The following CFAP44 variants were observed in gnomAD, a reference collection of about 807,000 sequenced individuals.
The protein encoded by CFAP44 is cilia and flagella associated protein 44.
A neutral mutation model predicts 216.2 loss-of-function variants in CFAP44; 134 were observed. The observed-to-expected ratio is 0.62, with a 90% CI of 0.54 to 0.72. The LOEUF (loss-of-function observed/expected upper bound fraction) is 0.72, where lower values mean the gene tolerates loss of function less well. Among genes scored for constraint, CFAP44 ranks in the 30% least tolerant of loss-of-function variants. The probability of loss-of-function intolerance (pLI) is 0.00; values close to 1 mark genes in which losing one functional copy is unlikely to be tolerated. For synonymous variants in CFAP44, 700 were observed against 727.6 expected (o/e 0.96, Z 0.61); for missense variants, 2,035 against 2,182.1 (o/e 0.93, Z 1.34).
intron 17 of CFAP44, among the ~76,000 whole-genome samples, chr3:113,378,892 T>C (rs1933426442): frequency 2.6e-5 from 4 of 152,178 alleles, no homozygotes; most frequent in Admixed American, 2.6e-4. Context: ...AAGAAAAGTC[T>C]ACTGGATAGT....
chr3:113,424,661 C>A (rs1934911234), intron 4 of CFAP44, among the ~76,000 whole-genome samples: 1 of 152,102 alleles, frequency 6.6e-6, no homozygotes, highest in African/African-American at 2.4e-5. Flanking sequence ...TTATTCAAGG[C>A]CCAAAAAGCT....
chr3:113,350,176 A>AAG (rs144560404), intron 22 of CFAP44, among the ~76,000 whole-genome samples: 27,635 of 150,072 alleles, frequency 0.18, 3,036 homozygotes, highest in East Asian at 0.41. Context: ...GCAGAGAGGA[A>AAG]AGAGAGAGAG....
rs1218110416 is a variant in CFAP44 at position 113,403,901 on chromosome 3, A to G, written c.1121T>C (p.Met374Thr). ...SCHNGPINQI[M>T]LYEGEVITVG... ...AGTGATAACTTCACCCTCATACAGC[A>G]TTATCTGGTTAATGGGACCATTGTG... The change falls in exon 9 of 35, where the codon ATG becomes ACG. Residue 374 changes from methionine (M) to threonine (T), a missense_variant. Physicochemically the swap from Met to Thr is moderately conservative, Grantham distance 81. This residue lies in a region of CFAP44 where 1,883 missense variants were observed against 2,023.7 expected (regional missense o/e 0.93). Coordinates refer to ENST00000393845, the MANE Select transcript of CFAP44 (RefSeq NM_001164496.2). 6 of 1,613,958 alleles carry G rather than the reference A, an allele frequency of 3.7e-6. No individual in the cohort carries two copies. Among genetic ancestry groups the G allele is most frequent in the Non-Finnish European group, 5.1e-6 (6 of 1,179,986 alleles).
chr3:113,293,969 A>G, intron 34 of CFAP44: 1 of 456,568 alleles, frequency 2.2e-6, no homozygotes, highest in South Asian at 1.5e-5. Context: ...ACAAGTTCCC[A>G]GGTGATGCTG....
intron 7 of CFAP44, among the ~76,000 whole-genome samples, chr3:113,407,573 G>A (rs1268856031): frequency 1.3e-5 from 2 of 152,130 alleles, no homozygotes; most frequent in Non-Finnish European, 2.9e-5. Flanking sequence ...AGATCACCCT[G>A]TGCCTTCATT....
At chr3:113,300,202 T>C (rs1559904086) in intron 32 of CFAP44, among the ~76,000 whole-genome samples, 1 of 151,880 alleles carries the variant, frequency 6.6e-6, no homozygotes, top group Non-Finnish European at 1.5e-5. Flanking sequence ...TGACAGTTAC[T>C]AGAGTCTGGG....
intron 22 of CFAP44, among the ~76,000 whole-genome samples, chr3:113,357,241 C>T (rs1018690304): frequency 6.6e-6 from 1 of 152,078 alleles, no homozygotes; most frequent in African/African-American, 2.4e-5. Flanking sequence ...TGTGTCCCCC[C>T]AAAAAGCTAT....
intron 4 of CFAP44, among the ~76,000 whole-genome samples, chr3:113,420,701 T>G (rs564620162): frequency 1.3e-5 from 2 of 152,234 alleles, no homozygotes; most frequent in African/African-American, 4.8e-5. Context: ...TTTTCCTTGA[T>G]GTTGAAAGAC....
chr3:113,439,852 C>A (rs1030297465), intron 1 of CFAP44, among the ~76,000 whole-genome samples: 2 of 152,156 alleles, frequency 1.3e-5, no homozygotes, highest in African/African-American at 2.4e-5. Context: ...AGCAGTGTGC[C>A]AGAGGTGGTT....
At chr3:113,379,075 T>C (rs946006776) in intron 17 of CFAP44, among the ~76,000 whole-genome samples, 1 of 152,134 alleles carries the variant, frequency 6.6e-6, no homozygotes, top group Non-Finnish European at 1.5e-5. Flanking sequence ...ATCTGTACAA[T>C]TATCTGCACA....
intron 22 of CFAP44, among the ~76,000 whole-genome samples, chr3:113,349,975 G>A (rs904244438): frequency 2.0e-5 from 3 of 152,170 alleles, no homozygotes; most frequent in Non-Finnish European, 4.4e-5. Flanking sequence ...TGCCCATTCT[G>A]CAATATGGAA....
At chr3:113,308,576 ATTTTTTTTTCT>A (rs1003150883) in intron 28 of CFAP44, among the ~76,000 whole-genome samples, 14 of 150,916 alleles carry the variant, frequency 9.3e-5, no homozygotes, top group South Asian at 4.2e-4. Context: ...TCAGACAAAA[ATTTTTTTTTCT>A]TTTTTTTTTC....
In CFAP44 at chr3:113,330,437, G is replaced by A. The variant is rs1430728819; in HGVS notation, c.3847C>T (p.Gln1283Ter). Residue 1283 changes from glutamine (Q) to a stop codon, truncating the protein, a stop_gained, in exon 26 of 35, where the codon CAA becomes TAA. Coordinates refer to ENST00000393845, the MANE Select transcript of CFAP44 (RefSeq NM_001164496.2). LOFTEE classifies it high-confidence loss of function. ...EETLLNFKQQ[Q>*]MKSKDEKSPG... ...GACTTTTCATCTTTACTTTTCATTT[G>A]CTGTTGCTTAAAATTTAGGAGAGTT... 5.9e-6 allele frequency: 9 copies of A among 1,537,098 alleles called. No homozygotes were observed. Among genetic ancestry groups the A allele is most frequent in the African/African-American group, 1.4e-5 (1 of 72,974 alleles).
Position 113,287,234 on chromosome 3 carries a change from A to T in CFAP44, c.*4323T>A. 5.5e-6 allele frequency: 2 copies of T among 362,626 alleles called. No individual in the cohort carries two copies. Among genetic ancestry groups the T allele is most frequent in the Non-Finnish European group, 1.1e-5 (2 of 186,936 alleles). 22.5% of individuals were successfully genotyped at this position (362,626 alleles called of 1,614,324 possible). On this transcript the variant is annotated 3_prime_UTR_variant, in exon 35 of 35. Transcript: ENST00000393845. ...CATGGTTCATCACGAGCATGAGGGA[A>T]CAGCAAGGGGCACGGTATCACAGCC...
intron 22 of CFAP44, among the ~76,000 whole-genome samples, chr3:113,350,671 C>T (rs895882458): frequency 7.9e-5 from 12 of 152,172 alleles, no homozygotes; most frequent in South Asian, 2.1e-4. Flanking sequence ...GCCCAGTGGC[C>T]CACAGATGGC....
chr3:113,422,748 C>T (rs531166694), intron 4 of CFAP44, among the ~76,000 whole-genome samples: 48 of 152,208 alleles, frequency 3.2e-4, no homozygotes, highest in African/African-American at 1.1e-3. Flanking sequence ...AAGGCTAAAG[C>T]ATGTTAGTAG....
chr3:113,371,555 C>T (rs929924676), intron 18 of CFAP44, among the ~76,000 whole-genome samples: 1 of 152,166 alleles, frequency 6.6e-6, no homozygotes, highest in African/African-American at 2.4e-5. Context: ...GGATCCCTTC[C>T]TTACACCATA....
intron 23 of CFAP44, among the ~76,000 whole-genome samples, chr3:113,343,059 C>CTTTTTT (rs397990837): frequency 1.6e-4 from 17 of 106,764 alleles, no homozygotes; most frequent in East Asian, 2.9e-4. Context: ...TTCTTTCTTT[C>CTTTTTT]TTTTTTTTTT....
At chr3:113,412,128 A>G (rs1400990197) in intron 6 of CFAP44, among the ~76,000 whole-genome samples, 1 of 151,962 alleles carries the variant, frequency 6.6e-6, no homozygotes, top group Middle Eastern at 3.2e-3. Flanking sequence ...CTCTCTCACC[A>G]CTCCTATTCA....
Sources: gnomAD v4.1 joint callset for allele counts (sites outside exome capture counted in the v4.1 genomes callset) on GRCh38, gnomAD v4.1.1 for gene constraint, gnomAD v4.1.1 regional missense constraint, MANE v1.5 for transcripts, NCBI Gene and HGNC (gene_info 2026-07-23, HGNC 2026-07-21) for gene names.